Variants in PTPRD observed in about 807,000 individuals in gnomAD.
PTPRD encodes receptor-type tyrosine-protein phosphatase delta.
Under a neutral mutation model 214.5 loss-of-function variants are expected in PTPRD, and 34 were observed. That is an observed-to-expected ratio of 0.16 (90% confidence interval 0.12 to 0.21). The LOEUF (loss-of-function observed/expected upper bound fraction) is 0.21. Ranked by LOEUF, PTPRD falls within the 10% of genes least tolerant of loss-of-function variation. PTPRD has a pLI of 1.00. For synonymous variants in PTPRD, 1,128 were observed against 845.7 expected (o/e 1.33, Z -5.79); for missense variants, 2,545 against 2,398.7 (o/e 1.06, Z -1.27).
chr9:9,291,155 C>T (rs1239218110), intron 9 of PTPRD, among the ~76,000 whole-genome samples: 1 of 151,434 alleles, frequency 6.6e-6, no homozygotes, highest in Admixed American at 6.6e-5. Flanking sequence ...ATTTCTGAGG[C>T]ATATGTATGG....
rs140429804 is a variant in PTPRD at position 8,930,920 on chromosome 9, A to G, written c.-104+87777T>C. 4.5e-3 allele frequency among the ~76,000 whole-genome samples: 686 copies of G among 151,764 alleles called. 3 individuals are homozygous for G. The highest frequency in any genetic ancestry group is 0.01 in the Middle Eastern group (3 of 294). ...CTCCCATTCTGTAGGTCGCCTGTCC[A>G]CTCTGATGGTAGTTTCTTTTGCTGT... On this transcript the variant is annotated intron_variant, in intron 11 of 45. Coordinates refer to ENST00000381196, the MANE Select transcript of PTPRD (RefSeq NM_002839.4).
chr9:9,951,030 G>A (rs2093406851), intron 4 of PTPRD, among the ~76,000 whole-genome samples: 1 of 152,144 alleles, frequency 6.6e-6, no homozygotes, highest in African/African-American at 2.4e-5. Context: ...TCTATTTCTG[G>A]TAGTAGCTGA....
chr9:9,075,856 T>A (rs1417834892), intron 10 of PTPRD, among the ~76,000 whole-genome samples: 1 of 152,234 alleles, frequency 6.6e-6, no homozygotes, highest in Non-Finnish European at 1.5e-5. Context: ...TTGTGAATAG[T>A]GCCGCAATAA....
At chr9:8,468,994 T>C (rs2096600486) in intron 31 of PTPRD, among the ~76,000 whole-genome samples, 1 of 151,996 alleles carries the variant, frequency 6.6e-6, no homozygotes, top group Non-Finnish European at 1.5e-5. Flanking sequence ...GCATATCTTA[T>C]TTCTTCCACC....
intron 3 of PTPRD, among the ~76,000 whole-genome samples, chr9:10,222,568 T>G (rs1250366183): frequency 6.6e-6 from 1 of 152,102 alleles, no homozygotes. Flanking sequence ...ATATTTTTCC[T>G]ACTCACTATT....
intron 12 of PTPRD, among the ~76,000 whole-genome samples, chr9:8,651,415 T>A (rs944319494): frequency 6.6e-6 from 1 of 152,236 alleles, no homozygotes; most frequent in South Asian, 2.1e-4. Flanking sequence ...CACAGAGAAC[T>A]CAAATTGATG....
At chr9:10,306,911 C>T (rs533572787) in intron 3 of PTPRD, among the ~76,000 whole-genome samples, 22 of 152,164 alleles carry the variant, frequency 1.4e-4, no homozygotes, top group Admixed American at 4.6e-4. Context: ...TAAAACCCTA[C>T]GGTAGAAACA....
chr9:10,122,724 T>A (rs925687568), intron 3 of PTPRD, among the ~76,000 whole-genome samples: 4 of 152,210 alleles, frequency 2.6e-5, no homozygotes, highest in African/African-American at 4.8e-5. Flanking sequence ...TAGATATTAA[T>A]AGACAGGTAT....
intron 7 of PTPRD, among the ~76,000 whole-genome samples, chr9:9,732,444 G>C (rs1294486846): frequency 6.6e-6 from 1 of 152,026 alleles, no homozygotes; most frequent in African/African-American, 2.4e-5. Context: ...GAAGATAGAA[G>C]ACCACCCAAA....
At chr9:10,464,490 G>A (rs1307252860) in intron 2 of PTPRD, among the ~76,000 whole-genome samples, 1 of 65,656 alleles carries the variant, frequency 1.5e-5, no homozygotes, top group East Asian at 2.9e-4. Flanking sequence ...AAGACAGGAA[G>A]ATGAAGATGA....
At chr9:10,569,562 C>A (rs991564943) in intron 2 of PTPRD, among the ~76,000 whole-genome samples, 1 of 151,252 alleles carries the variant, frequency 6.6e-6, no homozygotes, top group Non-Finnish European at 1.5e-5. Context: ...GGCTTTTTAC[C>A]TCCATTGAGT....
intron 10 of PTPRD, among the ~76,000 whole-genome samples, chr9:9,050,768 A>G (rs567223499): frequency 2.0e-5 from 3 of 152,072 alleles, no homozygotes; most frequent in Non-Finnish European, 4.4e-5. Context: ...CACTCATTTT[A>G]TCTTTATTAA....
intron 10 of PTPRD, among the ~76,000 whole-genome samples, chr9:9,136,909 G>A (rs2099851803): frequency 1.3e-5 from 2 of 152,156 alleles, no homozygotes; most frequent in East Asian, 1.9e-4. Flanking sequence ...GCCTTCAACT[G>A]GTAGGGGATT....
intron 5 of PTPRD, among the ~76,000 whole-genome samples, chr9:9,876,178 G>A (rs916526652): frequency 6.6e-6 from 1 of 152,106 alleles, no homozygotes; most frequent in Non-Finnish European, 1.5e-5. Context: ...GTGAGTCAGG[G>A]AAGGGATAGA....
chr9:9,964,619 G>C (rs2094565207), intron 4 of PTPRD, among the ~76,000 whole-genome samples: 1 of 152,080 alleles, frequency 6.6e-6, no homozygotes, highest in African/African-American at 2.4e-5. Flanking sequence ...CAACAGGTTT[G>C]ATTTTCTTTT....
intron 5 of PTPRD, among the ~76,000 whole-genome samples, chr9:9,881,363 C>A (rs2153738826): frequency 6.6e-6 from 1 of 152,270 alleles, no homozygotes; most frequent in African/African-American, 2.4e-5. Context: ...TTTTGCCTAT[C>A]TCAAACTATG....
At chr9:8,767,371 C>T (rs1435245260) in intron 11 of PTPRD, among the ~76,000 whole-genome samples, 1 of 152,152 alleles carries the variant, frequency 6.6e-6, no homozygotes, top group Non-Finnish European at 1.5e-5. Context: ...CCCGCCTTGG[C>T]CTCTCAAAGT....
chr9:9,013,344 C>T (rs1427555839), intron 11 of PTPRD, among the ~76,000 whole-genome samples: 1 of 152,064 alleles, frequency 6.6e-6, no homozygotes, highest in Admixed American at 6.6e-5. Flanking sequence ...GAATGCTGCA[C>T]TGACATTGTT....
chr9:9,861,075 G>C (rs572443631), intron 5 of PTPRD, among the ~76,000 whole-genome samples: 4 of 152,094 alleles, frequency 2.6e-5, no homozygotes, highest in Non-Finnish European at 5.9e-5. Context: ...TCTTTCAACA[G>C]TAAAATGAAT....
Sources: allele counts gnomAD v4.1 joint callset (sites outside exome capture counted in the v4.1 genomes callset), GRCh38; gene constraint gnomAD v4.1.1; transcripts MANE v1.5; gene names NCBI Gene and HGNC (gene_info 2026-07-23, HGNC 2026-07-21).